TTN: variants seen among roughly 807,000 people sequenced by gnomAD.
The protein encoded by TTN is connectin.
A neutral mutation model predicts 3,223.0 loss-of-function variants in TTN; 1,525 were observed. The ratio of observed to expected loss-of-function variants is 0.47; its 90% CI spans 0.45 to 0.49. The LOEUF (loss-of-function observed/expected upper bound fraction) is 0.49, where lower values mean the gene tolerates loss of function less well. Ranked by LOEUF, TTN falls within the 20% of genes least tolerant of loss-of-function variation. The pLI, the probability that TTN is intolerant of heterozygous loss-of-function variation, is 0.00. For missense variants in TTN, 40,786 were observed against 43,424.0 expected, an observed-to-expected ratio of 0.94 and a Z score of 5.40; for synonymous variants, 14,094 against 15,161.0, an observed-to-expected ratio of 0.93 and a Z score of 5.17.
chr2:178,770,745 G>A, intron 34 of TTN, 70 bp from the exon 35 acceptor site: 1 of 1,552,388 alleles, frequency 6.4e-7, no homozygotes, highest in Non-Finnish European at 8.8e-7. Flanking sequence ...TCCTGAACAA[G>A]ATCATTGCTT....
chr2:178,577,302 A>G lies in TTN; in HGVS notation c.69033T>C (p.Thr23011=), dbSNP rs762062922. The G allele has an allele frequency of 6.2e-7, 1 of 1,612,860 alleles. No individual in the cohort carries two copies. The highest frequency in any genetic ancestry group is 1.1e-5 in the South Asian group (1 of 91,026). ...TSSMLTIKYA[T]RKDAGEYTIT... ...TGGTATATTCACCCGCATCTTTTCTAGTGGCATACTTGATAGTAAGCATGG... is the reference window on the plus strand; with the variant it reads ...TGGTATATTCACCCGCATCTTTTCTGGTGGCATACTTGATAGTAAGCATGG... The change falls in exon 324 of 363, where the codon ACT becomes ACC. Residue 23011 remains threonine, a synonymous_variant. Transcript: ENST00000589042.
In TTN at chr2:178,568,148, C is replaced by T. The variant is rs745801476; in HGVS notation, c.77984G>A (p.Gly25995Asp). The change falls in exon 326 of 363, where the codon GGT (glycine) becomes GAT (aspartate). Residue 25995 changes from glycine to aspartate, a missense_variant. Transcript: ENST00000589042. ...GGAAATGGCTGTGGCAAATGGTGTA[C>T]CTGGAGGGCCTGGTTCTTTGTAGGG... Reference protein sequence around the residue: ...QYPYKEPGPPGTPFATAISKD... With the variant: ...QYPYKEPGPPDTPFATAISKD... The T allele has an allele frequency of 6.2e-7, 1 of 1,613,322 alleles. No individual in the cohort carries two copies. Among genetic ancestry groups the T allele is most frequent in the Non-Finnish European group, 8.5e-7 (1 of 1,179,602 alleles).
intron 304 of TTN, 23 bp downstream of exon 304, chr2:178,588,515 C>A: frequency 6.6e-7 from 1 of 1,508,104 alleles, no homozygotes; most frequent in Non-Finnish European, 8.8e-7. Context: ...GCTGTAATAT[C>A]AGAAAAAACA....
Position 178,582,980 on chromosome 2 carries a change from T to A in TTN, c.65823A>T (p.Ser21941=). The A allele has an allele frequency of 6.4e-7, 1 of 1,554,032 alleles. No homozygotes were observed. The highest frequency in any genetic ancestry group is 8.7e-7 in the Non-Finnish European group (1 of 1,147,402). ...SGDYTITAEN[S]SGSKSATIKL... ...TAATGGTGGCTGATTTAGAACCACT[T>A]GAATTTTCAGCAGTAATGGTATAGT... Residue 21941 remains serine (S), a synonymous_variant, in exon 313 of 363, where the codon TCA becomes TCT. Coordinates refer to ENST00000589042, the MANE Select transcript of TTN (RefSeq NM_001267550.2).
chr2:178,562,003 G>A lies in TTN; in HGVS notation c.84129C>T (p.Ser28043=), dbSNP rs1434911949. The A allele has an allele frequency of 1.2e-6, 2 of 1,613,432 alleles. No individual in the cohort carries two copies. Among genetic ancestry groups the A allele is most frequent in the Non-Finnish European group, 1.7e-6 (2 of 1,179,698 alleles). Residue 28043 remains serine, a synonymous_variant, in exon 326 of 363, where the codon TCC becomes TCT. Coordinates refer to ENST00000589042, the MANE Select transcript of TTN (RefSeq NM_001267550.2). ...YELCVSNSAG[S]ITVPITIIVL... The stretch of plus-strand genomic sequence containing the variant: ...CAATTATAGTAATAGGAACTGTTAT[G>A]GATCCAGCACTGTTTGAAACACATA...
At position 178,718,443 on chromosome 2, in the gene TTN, C is replaced by T. The variant is rs773426185; in HGVS notation, c.24663G>A (p.Met8221Ile). The stretch of plus-strand genomic sequence containing the variant: ...TTTCCAGTATGGTAGATTTTTCTGT[C>T]ATAGTAATACTGCATCTCTCAGATT... Reference protein sequence around the residue: ...ISQSERCSITMTEKSTILEIL... With the variant: ...ISQSERCSITITEKSTILEIL... The change falls in exon 85 of 363, where the codon ATG becomes ATA. Residue 8221 changes from methionine to isoleucine, a missense_variant. By Grantham distance (10) the Met-to-Ile change is conservative. Coordinates refer to ENST00000589042, the MANE Select transcript of TTN (RefSeq NM_001267550.2). The T allele has an allele frequency of 6.2e-7, 1 of 1,613,742 alleles. No individual in the cohort carries two copies. Among genetic ancestry groups the T allele is most frequent in the Admixed American group, 1.7e-5 (1 of 60,004 alleles).
chr2:178,664,627 C>A (rs377122543), intron 167 of TTN, 27 bp downstream of exon 167: 153 of 1,610,198 alleles, frequency 9.5e-5, no homozygotes, highest in African/African-American at 1.7e-4. Flanking sequence ...CATGTTCCCA[C>A]CCCTCTAAGC....
chr2:178,768,662 T>C lies in TTN; in HGVS notation c.9163+11A>G. ...ATTTTTTCTATGGATCTAATATGTATGAAACCATACCTTCCACATAAAGTG... is the reference window on the plus strand; with the variant it reads ...ATTTTTTCTATGGATCTAATATGTACGAAACCATACCTTCCACATAAAGTG... On this transcript the variant is annotated intron_variant, in intron 38 of 362. Transcript: ENST00000589042. 6.2e-7 allele frequency: 1 copy of C among 1,614,106 alleles called. No homozygotes were observed.
chr2:178,650,722 AG>A (rs767377832), intron 209 of TTN, 28 bp downstream of exon 209: 1 of 1,555,254 alleles, frequency 6.4e-7, no homozygotes. Context: ...GCAAGTGGCA[AG>A]GTCATTAATC....
chr2:178,738,407 A>G, intron 48 of TTN, 47 bp from the exon 49 acceptor site: 1 of 1,541,826 alleles, frequency 6.5e-7, no homozygotes, highest in Non-Finnish European at 8.7e-7. Context: ...TATCAGGCAT[A>G]TGACATTTTT....
At chr2:178,538,513 A>G (rs375965436) in intron 354 of TTN, 27 bp downstream of exon 354, 61 of 1,579,200 alleles carry the variant, frequency 3.9e-5, no homozygotes, top group Non-Finnish European at 5.2e-5. Context: ...TTTGTAAATC[A>G]TAAGTAGAGA....
In TTN at chr2:178,570,683, T is replaced by C. The variant is rs1264505015; in HGVS notation, c.75449A>G (p.Gln25150Arg). ...IPTIQWIKGD[Q>R]ELSNTARLEI... Reference sequence around the variant, plus strand: ...TAATCGAGCTGTGTTTGAAAGCTCCTGATCACCTTTTATCCACTGAATGGT... The same window carrying C: ...TAATCGAGCTGTGTTTGAAAGCTCCCGATCACCTTTTATCCACTGAATGGT... Residue 25150 changes from glutamine to arginine, a missense_variant, in exon 326 of 363, where the codon CAG becomes CGG. Physicochemically the swap from Gln to Arg is conservative, Grantham distance 43 (BLOSUM62 1). Transcript: ENST00000589042. 1 of 1,613,464 alleles carries C rather than the reference T, an allele frequency of 6.2e-7. No individual in the cohort carries two copies.
In TTN at chr2:178,651,506, T is replaced by C. The variant is rs2062952049; in HGVS notation, c.39494A>G (p.Glu13165Gly). ...VPEVPKEVVPEKKVPLVVPKK... is the reference protein window; with the variant it reads ...VPEVPKEVVPGKKVPLVVPKK... Reference sequence around the variant, plus strand: ...GGGAACCACCAGAGGCACCTTCTTTTCAGGAACAACCTCCTTGGGCACCTC... The same window carrying C: ...GGGAACCACCAGAGGCACCTTCTTTCCAGGAACAACCTCCTTGGGCACCTC... The change falls in exon 207 of 363, where the codon GAA (glutamate) becomes GGA (glycine). Residue 13165 changes from glutamate (E) to glycine (G), a missense_variant. Physicochemically the swap from Glu to Gly is moderately conservative, Grantham distance 98 (BLOSUM62 -2). Transcript: ENST00000589042. 1.2e-6 allele frequency: 2 copies of C among 1,612,938 alleles called. No homozygotes were observed. The highest frequency in any genetic ancestry group is 1.7e-6 in the Non-Finnish European group (2 of 1,179,508).
rs1023184567 is a variant in TTN at position 178,594,421 on chromosome 2, C to T, written c.58073G>A (p.Arg19358His). 2.5e-5 allele frequency: 41 copies of T among 1,611,728 alleles called. No homozygotes were observed. In the Middle Eastern group the frequency reaches 5.0e-4, roughly 19 times the overall value. ...GLKEGDTYEY[R>H]VSAVNIVGQG... ...TCCAACAATGTTGACAGCACTGACA[C>T]GGTACTCATAGGTATCACCTTCTTT... is the stretch of plus-strand genomic sequence containing the variant. The change falls in exon 296 of 363, where the codon CGT (arginine) becomes CAT (histidine). Residue 19358 changes from arginine (R) to histidine (H), a missense_variant. By Grantham distance (29) the Arg-to-His change is conservative (BLOSUM62 0). Transcript: ENST00000589042.
intron 96 of TTN, 66 bp downstream of exon 96, chr2:178,711,878 C>T: frequency 6.6e-7 from 1 of 1,507,886 alleles, no homozygotes; most frequent in East Asian, 2.3e-5. Context: ...AATAGGCCTC[C>T]CCAGACATTT....
Position 178,535,132 on chromosome 2 carries a change from C to A in TTN, c.101483G>T (p.Gly33828Val). ...ACAACGATGGACAATTCCAAACTCA[C>A]CACGCCCAAGATCTTCAGCAATCAT... The part of the protein sequence containing the change: ...KYMIAEDLGR[G>V]EFGIVHRCVE... The change falls in exon 358 of 363, where the codon GGT becomes GTT. Residue 33828 changes from glycine to valine, a missense_variant. Transcript: ENST00000589042. 1.2e-6 allele frequency: 2 copies of A among 1,613,822 alleles called. No individual in the cohort carries two copies. The highest frequency in any genetic ancestry group is 1.7e-6 in the Non-Finnish European group (2 of 1,179,844).
In TTN at chr2:178,599,907, T is replaced by C. The variant is rs72646826; in HGVS notation, c.56051-57A>G. On this transcript the variant is annotated intron_variant, in intron 288 of 362. Coordinates refer to ENST00000589042, the MANE Select transcript of TTN (RefSeq NM_001267550.2). ...GCAAAAAGCATTGAGGGATAGAAAG[T>C]AGAATTCACAGTTACTATAAAGTTG... 1,403 of 1,472,456 alleles carry C rather than the reference T, an allele frequency of 9.5e-4. 2 individuals are homozygous for C. The highest frequency in any genetic ancestry group is 2.6e-3 in the Middle Eastern group (14 of 5,310). 91.2% of individuals were successfully genotyped at this position (1,472,456 alleles called of 1,614,324 possible). A position where few individuals can be genotyped will look rare whatever the true frequency, so the allele number is the denominator to read the frequency against.
chr2:178,580,164 A>G lies in TTN; in HGVS notation c.67123T>C (p.Trp22375Arg). 6.2e-7 allele frequency: 1 copy of G among 1,613,296 alleles called. No homozygotes were observed. Among genetic ancestry groups the G allele is most frequent in the Non-Finnish European group, 8.5e-7 (1 of 1,179,504 alleles). The change falls in exon 318 of 363, where the codon TGG (tryptophan) becomes CGG (arginine). Residue 22375 changes from tryptophan (W) to arginine (R), a missense_variant. Coordinates refer to ENST00000589042, the MANE Select transcript of TTN (RefSeq NM_001267550.2). ...EISKDSAYVT[W>R]EPPIIDGGSP... The stretch of plus-strand genomic sequence containing the variant: ...CCGCCATCAATAATGGGAGGCTCCC[A>G]GGTAACATAAGCAGAGTCTTTGGAT...
rs368572799 is a variant in TTN, at chr2:178,633,508, C to A, written c.42851G>T (p.Arg14284Leu). 1.2e-6 allele frequency: 2 copies of A among 1,613,124 alleles called. No individual in the cohort carries two copies. The highest frequency in any genetic ancestry group is 2.7e-5 in the African/African-American group (2 of 74,868). Residue 14284 changes from arginine to leucine, a missense_variant, in exon 232 of 363, where the codon CGC becomes CTC. Physicochemically the swap from Arg to Leu is moderately radical, Grantham distance 102. Transcript: ENST00000589042. The part of the protein sequence containing the change: ...KYSIKADGLR[R>L]ILKIKKADLK... ...GTCCGCCTTTTTGATTTTTAAGATG[C>A]GGCGCAGGCCATCTGCCTTGATAGA... is the stretch of plus-strand genomic sequence containing the variant.
Sources: gnomAD v4.1 joint callset for allele counts on GRCh38, gnomAD v4.1.1 for gene constraint, MANE v1.5 for transcripts, NCBI Gene and HGNC (gene_info 2026-07-23, HGNC 2026-07-21) for gene names.